Variants in FRK observed in about 807,000 individuals in gnomAD.
FRK encodes fyn related Src family tyrosine kinase.
FRK carries 51 observed loss-of-function variants against 56.4 expected under a neutral mutation model. That is an observed-to-expected ratio of 0.90 (90% CI 0.72 to 1.14). The LOEUF (loss-of-function observed/expected upper bound fraction) is 1.14, where lower values mean the gene tolerates loss of function less well. Among genes scored for constraint, FRK ranks in the 50% most tolerant of loss-of-function variants. FRK has a pLI of 0.00. For missense variants in FRK, 570 were observed against 601.4 expected (o/e 0.95, Z 0.55); for synonymous variants, 245 against 217.9 (o/e 1.12, Z -1.10).
rs1288648036 is a variant in FRK, at chr6:116,003,917, G to T, written c.426C>A (p.Ile142=). 6.2e-7 allele frequency: 1 copy of T among 1,613,208 alleles called. No homozygotes were observed. The highest frequency in any genetic ancestry group is 1.3e-5 in the African/African-American group (1 of 74,878). The change falls in exon 2 of 8, where the codon ATC becomes ATA. Residue 142 remains isoleucine (I), a synonymous_variant. Coordinates refer to ENST00000606080, the MANE Select transcript of FRK (RefSeq NM_002031.3). ...CTCCTTTTTGGCTTTCACTTTCTCT[G>T]ATTAGAAAGGAACCGGTCTTGTTTT... ...YSENKTGSFL[I]RESESQKGEF...
chr6:116,066,461 G>A, the FRK span, among the ~76,000 whole-genome samples: 2 of 151,760 alleles, frequency 1.3e-5, no homozygotes, highest in African/African-American at 4.9e-5. Flanking sequence ...ATGTGTGTGT[G>A]TATCCTATTA....
At chr6:116,081,037 CA>C in the FRK span, among the ~76,000 whole-genome samples, 13 of 152,200 alleles carry the variant, frequency 8.5e-5, no homozygotes, top group Non-Finnish European at 5.9e-5. Context: ...TCATGTCCTA[CA>C]TGGTGGCAGA....
chr6:116,049,049 A>AT lies in FRK; in HGVS notation c.344+10918dup, dbSNP rs1203386685. 3.3e-5 allele frequency among the ~76,000 whole-genome samples: 5 copies of AT among 152,016 alleles called. No homozygotes were observed. In the East Asian group the frequency reaches 9.7e-4, roughly 29 times the overall value. ...TCAAGCCATGGACCTTTGAAATATA[A>AT]TTTCACTATACTTCTCTATAACTAG... On this transcript the variant is annotated intron_variant, in intron 1 of 7. Coordinates refer to ENST00000606080, the MANE Select transcript of FRK (RefSeq NM_002031.3).
At chr6:116,007,962 C>T (rs541320238) in intron 1 of FRK, among the ~76,000 whole-genome samples, 2 of 151,802 alleles carry the variant, frequency 1.3e-5, no homozygotes, top group Admixed American at 1.3e-4. Flanking sequence ...GATGATGGTG[C>T]AAAAATAAAA....
chr6:116,043,808 T>C (rs1246191342), intron 1 of FRK, among the ~76,000 whole-genome samples: 2 of 152,090 alleles, frequency 1.3e-5, no homozygotes, highest in South Asian at 2.1e-4. Flanking sequence ...AAGTGGTTTA[T>C]TGAAAAGATT....
chr6:116,014,085 G>A (rs1775565060), intron 1 of FRK, among the ~76,000 whole-genome samples: 1 of 152,144 alleles, frequency 6.6e-6, no homozygotes, highest in Admixed American at 6.6e-5. Flanking sequence ...ATGTCACTGA[G>A]CTTCATTAAA....
the FRK span, among the ~76,000 whole-genome samples, chr6:116,090,399 C>G: frequency 2.0e-5 from 3 of 152,186 alleles, no homozygotes; most frequent in Admixed American, 1.3e-4. Flanking sequence ...CTCACCTTCC[C>G]CCATCATAGT....
chr6:115,978,356 T>A (rs533960252), intron 2 of FRK, among the ~76,000 whole-genome samples: 1 of 152,204 alleles, frequency 6.6e-6, no homozygotes, highest in South Asian at 2.1e-4. Context: ...TATAATAAAA[T>A]TTAAAATAAG....
chr6:116,091,994 A>C, the FRK span, among the ~76,000 whole-genome samples: 1 of 152,110 alleles, frequency 6.6e-6, no homozygotes, highest in Non-Finnish European at 1.5e-5. Flanking sequence ...TTGGGTCCTA[A>C]TGCCAGTCAG....
intron 5 of FRK, among the ~76,000 whole-genome samples, chr6:115,952,176 T>G (rs1291978568): frequency 6.6e-6 from 1 of 152,182 alleles, no homozygotes; most frequent in African/African-American, 2.4e-5. Flanking sequence ...ATGCAGAAGC[T>G]CTTTAGTTTA....
chr6:115,942,591 A>T lies in FRK; in HGVS notation c.1341T>A (p.Ala447=). ...MTGAQVIQML[A]QNYRLPQPSN... is the part of the protein sequence containing the mutation. Reference sequence around the variant, plus strand: ...ATGGTTGCGGAAGTCTATAGTTTTGAGCCAACATCTGGATTACCTGGGCAC... The same window carrying T: ...ATGGTTGCGGAAGTCTATAGTTTTGTGCCAACATCTGGATTACCTGGGCAC... The change falls in exon 8 of 8, where the codon GCT becomes GCA. Residue 447 remains alanine, a synonymous_variant. Coordinates refer to ENST00000606080, the MANE Select transcript of FRK (RefSeq NM_002031.3). The T allele has an allele frequency of 6.2e-7, 1 of 1,613,762 alleles. No homozygotes were observed. The highest frequency in any genetic ancestry group is 8.5e-7 in the Non-Finnish European group (1 of 1,179,762).
chr6:116,000,223 C>CTTTCTT (rs1775002178), intron 2 of FRK, among the ~76,000 whole-genome samples: 4 of 53,122 alleles, frequency 7.5e-5, no homozygotes, highest in Admixed American at 2.1e-4. Context: ...ATCATTCTTT[C>CTTTCTT]TTTTTTTTTT....
chr6:115,941,633 A>C lies in FRK; in HGVS notation c.*781T>G, dbSNP rs1368374209. On this transcript the variant is annotated 3_prime_UTR_variant, in exon 8 of 8. Coordinates refer to ENST00000606080, the MANE Select transcript of FRK (RefSeq NM_002031.3). Reference sequence around the variant, plus strand: ...ATTTTCCTAAACTATTTTGATACCTATTTCTCAGACTTTATGGGCTATTAG... The same window carrying C: ...ATTTTCCTAAACTATTTTGATACCTCTTTCTCAGACTTTATGGGCTATTAG... The C allele has an allele frequency of 6.6e-6, 1 of 152,088 alleles. No individual in the cohort carries two copies. Among genetic ancestry groups the C allele is most frequent in the African/African-American group, 2.4e-5 (1 of 41,410 alleles). The allele number at this position is 152,088 out of a possible 1,614,324, so 9.4% of individuals were successfully genotyped here.
In FRK at chr6:116,024,057, T is replaced by TACACAC. The variant is rs55922355; in HGVS notation, c.345-20065_345-20060dup. 4.4e-3 allele frequency among the ~76,000 whole-genome samples: 599 copies of TACACAC among 136,684 alleles called. 5 individuals are homozygous for TACACAC. The highest frequency in any genetic ancestry group is 0.013 in the African/African-American group (478 of 36,294). 89.7% of individuals were successfully genotyped at this position (136,684 alleles called of 152,430 possible). A position where few individuals can be genotyped will look rare whatever the true frequency, so the allele number is the denominator to read the frequency against. On this transcript the variant is annotated intron_variant, in intron 1 of 7. Transcript: ENST00000606080. The stretch of plus-strand genomic sequence containing the variant: ...CTGCTGCTATAGAATCCTGAGAACT[T>TACACAC]ACACACACACACACACACACACACA...
At chr6:116,011,306 C>T (rs1362368116) in intron 1 of FRK, among the ~76,000 whole-genome samples, 2 of 152,096 alleles carry the variant, frequency 1.3e-5, no homozygotes, top group African/African-American at 4.8e-5. Context: ...AGATAATTGC[C>T]TCTTACACTT....
intron 1 of FRK, among the ~76,000 whole-genome samples, chr6:116,012,197 C>A (rs1349441777): frequency 6.6e-6 from 1 of 152,180 alleles, no homozygotes; most frequent in Non-Finnish European, 1.5e-5. Flanking sequence ...GACTCTCCCC[C>A]TTGCTCACAC....
chr6:116,039,498 C>T, intron 1 of FRK: 3 of 1,468,738 alleles, frequency 2.0e-6, no homozygotes, highest in Non-Finnish European at 1.9e-6. Context: ...AACAATGAGC[C>T]CCATCCATCT....
At chr6:116,005,571 G>T (rs1026487442) in intron 1 of FRK, among the ~76,000 whole-genome samples, 2 of 152,186 alleles carry the variant, frequency 1.3e-5, no homozygotes, top group African/African-American at 4.8e-5. Context: ...GAAACATTTG[G>T]TAGACTACAC....
chr6:116,042,111 CA>C (rs2114791438), intron 1 of FRK, among the ~76,000 whole-genome samples: 1 of 152,286 alleles, frequency 6.6e-6, no homozygotes, highest in East Asian at 1.9e-4. Context: ...TTTTCCCTCA[CA>C]GTGTAAACAA....
Sources: gnomAD v4.1 joint callset for allele counts (sites outside exome capture counted in the v4.1 genomes callset) on GRCh38, gnomAD v4.1.1 for gene constraint, MANE v1.5 for transcripts, NCBI Gene and HGNC (gene_info 2026-07-23, HGNC 2026-07-21) for gene names.